The following HCFC1 variants were observed in gnomAD, a reference collection of about 807,000 sequenced individuals.
The protein encoded by HCFC1 is host cell factor C1, also known as host cell factor 1.
A neutral mutation model predicts 105.5 loss-of-function variants in HCFC1; 7 were observed. That is an observed-to-expected ratio of 0.07 (90% confidence interval 0.04 to 0.12). HCFC1 has a LOEUF of 0.12. Among genes scored for constraint, HCFC1 ranks in the 10% least tolerant of loss-of-function variants. HCFC1 has a pLI of 1.00. For missense variants in HCFC1, 1,065 were observed against 1,823.6 expected (o/e 0.58, Z 7.58); for synonymous variants, 918 against 828.1 (o/e 1.11, Z -1.86).
Position 153,970,820 on chromosome X carries a change from G to T in HCFC1, c.21C>A (p.Pro7=). The change falls in exon 1 of 26, where the codon CCC becomes CCA. Residue 7 remains proline (P), a synonymous_variant. Coordinates refer to ENST00000310441, the MANE Select transcript of HCFC1 (RefSeq NM_005334.3). ...GCAGAAGCACCGCTGGCAAGTTGGC[G>T]GGCGACACGGCCGAAGCCATAGTTC... is the stretch of plus-strand genomic sequence containing the variant. MASAVS[P]ANLPAVLLQP... 2 of 1,167,249 alleles carry T rather than the reference G, an allele frequency of 1.7e-6. No homozygotes were observed. Among genetic ancestry groups the T allele is most frequent in the South Asian group, 1.9e-5 (1 of 52,513 alleles).
In HCFC1 at chrX:153,954,848, CCGG is replaced by C. The variant is rs1557114126; in HGVS notation, c.3548_3550del (p.Thr1183_Gly1184delinsArg). 2 of 1,150,764 alleles carry C rather than the reference CCGG, an allele frequency of 1.7e-6. No individual in the cohort carries two copies. The highest frequency in any genetic ancestry group is 2.8e-5 in the Admixed American group (1 of 35,764). 94.8% of individuals were successfully genotyped at this position (1,150,764 alleles called of 1,213,427 possible). ...GAGTGGGCCGGCCGAGCACGGGGCC[CCGG>C]TGGCCATCACAGTCATGGTGGTGCT... On this transcript the variant is annotated inframe_deletion, in exon 17 of 26. Transcript: ENST00000310441.
chrX:153,956,280 C>T lies in HCFC1; in HGVS notation c.2767G>A (p.Val923Met). Residue 923 changes from valine (V) to methionine (M), a missense_variant, in exon 16 of 26, where the codon GTG (valine) becomes ATG (methionine). Coordinates refer to ENST00000310441, the MANE Select transcript of HCFC1 (RefSeq NM_005334.3). The part of the protein sequence containing the change: ...LGTIATLSSQ[V>M]INPTAITVSA... ...ACAGTGATGGCAGTGGGGTTGATCA[C>T]CTGGCTTGAGAGGGTGGCAATGGTG... 8.2e-7 allele frequency: 1 copy of T among 1,212,442 alleles called. No individual in the cohort carries two copies. The highest frequency in any genetic ancestry group is 1.1e-6 in the Non-Finnish European group (1 of 895,619).
intron 18 of HCFC1, chrX:153,953,208 G>A: frequency 2.3e-6 from 1 of 444,372 alleles, no homozygotes; most frequent in African/African-American, 2.4e-5. Flanking sequence ...CATTCTTGAT[G>A]GGCCAGCTCC....
At chrX:153,965,831 T>C (rs782584593) in intron 1 of HCFC1, among the ~76,000 whole-genome samples, 8 of 112,601 alleles carry the variant, frequency 7.1e-5, no homozygotes, top group Middle Eastern at 4.6e-3. Flanking sequence ...TGTGAGACCA[T>C]AGAAGAGGAA....
intron 24 of HCFC1, 108 bp from the exon 25 acceptor site, chrX:153,949,724 C>A: frequency 1.4e-6 from 1 of 740,066 alleles, no homozygotes; most frequent in Non-Finnish European, 2.1e-6. Flanking sequence ...TGGCATGACC[C>A]GCAGCTGGCA....
In HCFC1 at chrX:153,949,181, TTTAGA is replaced by T. The variant is rs1177114965; in HGVS notation, c.*161_*165del. The T allele has an allele frequency of 2.2e-6, 1 of 455,486 alleles. No individual in the cohort carries two copies. Among genetic ancestry groups the T allele is most frequent in the Non-Finnish European group, 3.9e-6 (1 of 257,557 alleles). 37.5% of individuals were successfully genotyped at this position (455,486 alleles called of 1,213,427 possible). A position where few individuals can be genotyped will look rare whatever the true frequency, so the allele number is the denominator to read the frequency against. The stretch of plus-strand genomic sequence containing the variant: ...AACAGCAATGGTAAAATGTGCTTTC[TTTAGA>T]TTATTTTAAAAACAGAGAGAAAGAG... On this transcript the variant is annotated 3_prime_UTR_variant, in exon 26 of 26. Coordinates refer to ENST00000310441, the MANE Select transcript of HCFC1 (RefSeq NM_005334.3).
rs782448816 is a variant in HCFC1 at position 153,951,884 on chromosome X, C to T, written c.5217G>A (p.Thr1739=). 2.9e-5 allele frequency: 35 copies of T among 1,193,152 alleles called. 1 individual carries two copies. The Admixed American group carries it at 3.8e-4, about 13-fold the overall frequency. ...ESNCLNELAG[T]VPSTVALLPS... is the part of the protein sequence containing the mutation. The stretch of plus-strand genomic sequence containing the variant: ...GCAGCAGCGCCACAGTGCTGGGGAC[C>T]GTGCCGGCCAGCTCATTGAGGCAAT... Residue 1739 remains threonine, a synonymous_variant, in exon 20 of 26, where the codon ACG becomes ACA. Transcript: ENST00000310441.
rs1603295060 is a variant in HCFC1, at chrX:153,953,767, G to A, written c.4337C>T (p.Pro1446Leu). ...VTSNMSSNQD[P>L]PPAASDQGEV... ...TCCCTGATCGCTGGCAGCAGGTGGG[G>A]GGTCTGTGGGGGCGACAGGCAGGCG... is the stretch of plus-strand genomic sequence containing the variant. Residue 1446 changes from proline (P) to leucine (L), a missense_variant, in exon 18 of 26, where the codon CCC becomes CTC. Physicochemically the swap from Pro to Leu is moderately conservative, Grantham distance 98. Around this residue, in one of 17 missense-constraint regions of HCFC1, gnomAD observed 546 missense variants for 599.9 expected, o/e 0.91. Coordinates refer to ENST00000310441, the MANE Select transcript of HCFC1 (RefSeq NM_005334.3). 2 of 1,203,043 alleles carry A rather than the reference G, an allele frequency of 1.7e-6. No individual in the cohort carries two copies. The highest frequency in any genetic ancestry group is 2.2e-6 in the Non-Finnish European group (2 of 891,479).
At chrX:153,951,048 G>A in intron 22 of HCFC1, 50 bp from the exon 23 acceptor site, 1 of 1,087,155 alleles carries the variant, frequency 9.2e-7, no homozygotes, top group Non-Finnish European at 1.3e-6. Flanking sequence ...GGCAGCTCTG[G>A]GCCACCCCAG....
chrX:153,962,158 G>A, intron 5 of HCFC1, 64 bp downstream of exon 5: 1 of 871,593 alleles, frequency 1.1e-6, no homozygotes, highest in South Asian at 2.1e-5. Flanking sequence ...AACTGAGTGA[G>A]AGCCCTTCGG....
rs782488868 is a variant in HCFC1, at chrX:153,954,832, G to A, written c.3567C>T (p.Ala1189=). The change falls in exon 17 of 26, where the codon GCC becomes GCT. Residue 1189 remains alanine, a synonymous_variant. Transcript: ENST00000310441. ...TVMATGAPCS[A]GPLLGPSMAR... ...CCATGCTCGGCCCAAGGAGTGGGCC[G>A]GCCGAGCACGGGGCCCCGGTGGCCA... is the stretch of plus-strand genomic sequence containing the variant. 2.9e-5 allele frequency: 33 copies of A among 1,150,456 alleles called. No homozygotes were observed. Among genetic ancestry groups the A allele is most frequent in the Admixed American group, 1.4e-4 (5 of 35,839 alleles). The allele number at this position is 1,150,456 out of a possible 1,213,427, so 94.8% of individuals were successfully genotyped here. A position where few individuals can be genotyped will look rare whatever the true frequency, so the allele number is the denominator to read the frequency against.
In HCFC1 at chrX:153,954,137, G is replaced by A; in HGVS notation, c.4262C>T (p.Pro1421Leu). ...FPTQRVCSNP[P>L]CETHETGTTH... ...GGTGCCCGTCTCGTGGGTCTCACAGGGGGGGTTGGAGCACACCCTCTGTGT... is the reference window on the plus strand; with the variant it reads ...GGTGCCCGTCTCGTGGGTCTCACAGAGGGGGTTGGAGCACACCCTCTGTGT... Residue 1421 changes from proline to leucine, a missense_variant, in exon 17 of 26, where the codon CCC (proline) becomes CTC (leucine). Around this residue, in one of 17 missense-constraint regions of HCFC1, gnomAD observed 546 missense variants for 599.9 expected, o/e 0.91. Coordinates refer to ENST00000310441, the MANE Select transcript of HCFC1 (RefSeq NM_005334.3). 1 of 1,210,050 alleles carries A rather than the reference G, an allele frequency of 8.3e-7. No homozygotes were observed. Among genetic ancestry groups the A allele is most frequent in the Non-Finnish European group, 1.1e-6 (1 of 894,459 alleles).
chrX:153,949,361 C>T lies in HCFC1; in HGVS notation c.6094G>A (p.Ala2032Thr). The T allele has an allele frequency of 1.7e-6, 2 of 1,207,100 alleles. No individual in the cohort carries two copies. The highest frequency in any genetic ancestry group is 2.2e-6 in the Non-Finnish European group (2 of 892,589). The change falls in exon 26 of 26, where the codon GCC becomes ACC. Residue 2032 changes from alanine (A) to threonine (T), a missense_variant. Ala to Thr is a moderately conservative substitution (Grantham distance 58, BLOSUM62 0). This residue lies in a region of HCFC1 where 18 missense variants were observed against 28.8 expected (regional missense o/e 0.62). Transcript: ENST00000310441. The stretch of plus-strand genomic sequence containing the variant: ...TCAGCTTCCTCTCACTGACCATCGG[C>T]CTTAGATTTCTTTGGAGCAGATTTC... Reference protein sequence around the residue: ...EMKSAPKKSKADGQ With the variant: ...EMKSAPKKSKTDGQ
chrX:153,962,309 G>A lies in HCFC1; in HGVS notation c.713-3C>T, dbSNP rs1557117230. 4.2e-6 allele frequency: 5 copies of A among 1,191,483 alleles called. No individual in the cohort carries two copies. The highest frequency in any genetic ancestry group is 2.2e-5 in the Admixed American group (1 of 45,831). ...GGGCTTATTCCACGTCAGGGTGTCT[G>A]CAGAGAGACGGAGGGGAAAGGGTTA... is the stretch of plus-strand genomic sequence containing the variant. On this transcript the variant is annotated splice_polypyrimidine_tract_variant and splice_region_variant and intron_variant, in intron 4 of 25. Transcript: ENST00000310441.
intron 5 of HCFC1, 118 bp downstream of exon 5, chrX:153,962,104 A>G (rs988095242): frequency 6.7e-5 from 35 of 525,378 alleles, no homozygotes; most frequent in Non-Finnish European, 1.1e-4. Flanking sequence ...ATGCCAGCCC[A>G]GCCAGAAAGA....
chrX:153,964,861 G>C (rs2065460550), intron 1 of HCFC1, 135 bp from the exon 2 acceptor site: 1 of 594,193 alleles, frequency 1.7e-6, no homozygotes, highest in African/African-American at 2.4e-5. Context: ...AGCAACTCCA[G>C]CTGCGCTACC....
rs781955031 is a variant in HCFC1 at position 153,952,560 on chromosome X, G to A, written c.4896C>T (p.Ala1632=). ...AQAAATEEAQ[A]LAIQAVLQAA... ...CCTGGAGCACCGCCTGGATGGCCAG[G>A]GCCTGGGCTTCCTCCGTGGCTGCGG... The change falls in exon 19 of 26, where the codon GCC becomes GCT. Residue 1632 remains alanine, a synonymous_variant. Transcript: ENST00000310441. 4.6e-5 allele frequency: 55 copies of A among 1,193,279 alleles called. No homozygotes were observed. The African/African-American group carries it at 8.2e-4, about 18-fold the overall frequency.
chrX:153,966,448 G>A (rs1221120262), intron 1 of HCFC1, among the ~76,000 whole-genome samples: 8 of 112,437 alleles, frequency 7.1e-5, no homozygotes, highest in Admixed American at 5.6e-4. Context: ...TGTGCCGCCC[G>A]CATGTGCAAG....
rs2065291924 is a variant in HCFC1, at chrX:153,949,710, C to T, written c.6005-94G>A. 4.9e-6 allele frequency: 4 copies of T among 824,620 alleles called. No homozygotes were observed. The South Asian group carries it at 8.5e-5, about 18-fold the overall frequency. The allele number at this position is 824,620 out of a possible 1,213,427, so 68.0% of individuals were successfully genotyped here. On this transcript the variant is annotated intron_variant, in intron 24 of 25. Coordinates refer to ENST00000310441, the MANE Select transcript of HCFC1 (RefSeq NM_005334.3). The stretch of plus-strand genomic sequence containing the variant: ...GCCCGCCTGCAGAGTCTCTTGGTGC[C>T]ACATGGCATGACCCGCAGCTGGCAA...
Sources: allele counts gnomAD v4.1 joint callset (sites outside exome capture counted in the v4.1 genomes callset), GRCh38; gene constraint gnomAD v4.1.1; regional missense constraint gnomAD v4.1.1; transcripts MANE v1.5; gene names NCBI Gene and HGNC (gene_info 2026-07-23, HGNC 2026-07-21).